Variants in TMEM132B observed in about 807,000 individuals in gnomAD.
The protein encoded by TMEM132B is transmembrane protein 132B.
A neutral mutation model predicts 90.8 loss-of-function variants in TMEM132B; 18 were observed. That is an observed-to-expected ratio of 0.20 (90% confidence interval 0.14 to 0.29). The LOEUF (loss-of-function observed/expected upper bound fraction) is 0.29. Among genes scored for constraint, TMEM132B ranks in the 10% least tolerant of loss-of-function variants. The pLI is 1.00. For missense variants in TMEM132B, 1,096 were observed against 1,326.8 expected, an observed-to-expected ratio of 0.83 and a Z score of 2.70; for synonymous variants, 504 against 523.3, an observed-to-expected ratio of 0.96 and a Z score of 0.50.
chr12:125,511,271 TA>T (rs1882970276), intron 3 of TMEM132B, among the ~76,000 whole-genome samples: 1 of 152,224 alleles, frequency 6.6e-6, no homozygotes, highest in South Asian at 2.1e-4. Flanking sequence ...TGTATAGAAA[TA>T]CCACATTTTG....
At chr12:125,487,120 A>G (rs1257187517) in intron 3 of TMEM132B, among the ~76,000 whole-genome samples, 1 of 152,228 alleles carries the variant, frequency 6.6e-6, no homozygotes, top group Non-Finnish European at 1.5e-5. Context: ...CACATCCTTC[A>G]TGAACCCATT....
chr12:125,440,695 T>C (rs1052169152), intron 3 of TMEM132B, among the ~76,000 whole-genome samples: 4 of 152,238 alleles, frequency 2.6e-5, no homozygotes, highest in African/African-American at 9.6e-5. Context: ...ATCTCCAATA[T>C]GTAGGCAACA....
intron 5 of TMEM132B, chr12:125,585,869 A>G (rs919412447): frequency 2.6e-5 from 4 of 152,220 alleles, no homozygotes; most frequent in African/African-American, 9.7e-5. Flanking sequence ...AAACCTGCAG[A>G]TCGCAAGCTC....
At chr12:125,334,223 T>C (rs1876882028) in intron 1 of TMEM132B, among the ~76,000 whole-genome samples, 1 of 152,228 alleles carries the variant, frequency 6.6e-6, no homozygotes, top group African/African-American at 2.4e-5. Flanking sequence ...TTAACACATA[T>C]GCAGAATCGT....
At chr12:125,586,272 G>A (rs1205904394) in intron 5 of TMEM132B, 2 of 152,192 alleles carry the variant, frequency 1.3e-5, no homozygotes, top group African/African-American at 4.8e-5. Context: ...TTAGAAAGAT[G>A]TAAGTTATGG....
intron 3 of TMEM132B, among the ~76,000 whole-genome samples, chr12:125,416,445 C>T (rs1427330364): frequency 6.6e-6 from 1 of 152,242 alleles, no homozygotes; most frequent in African/African-American, 2.4e-5. Context: ...CACACGAGCC[C>T]CTTCCGAGTT....
intron 3 of TMEM132B, among the ~76,000 whole-genome samples, chr12:125,486,259 A>G (rs892008194): frequency 1.3e-5 from 2 of 152,212 alleles, no homozygotes; most frequent in African/African-American, 4.8e-5. Flanking sequence ...TTATTATGGC[A>G]TATTATCATT....
intron 1 of TMEM132B, among the ~76,000 whole-genome samples, chr12:125,313,720 G>A (rs529101957): frequency 6.2e-4 from 74 of 119,180 alleles, no homozygotes; most frequent in African/African-American, 2.4e-3. Context: ...ATTGGTTTGG[G>A]TTAATTTTCT....
intron 4 of TMEM132B, among the ~76,000 whole-genome samples, chr12:125,576,468 C>G (rs1301471984): frequency 6.7e-6 from 1 of 149,676 alleles, no homozygotes; most frequent in Admixed American, 6.7e-5. Flanking sequence ...TAATCCCCCC[C>G]ACCCCGCCCC....
intron 4 of TMEM132B, among the ~76,000 whole-genome samples, chr12:125,573,879 A>C (rs1377431730): frequency 1.3e-5 from 2 of 152,212 alleles, no homozygotes; most frequent in African/African-American, 4.8e-5. Flanking sequence ...TGCCATCCTT[A>C]TGAATTCTTT....
chr12:125,568,547 A>C (rs1884716770), intron 4 of TMEM132B, among the ~76,000 whole-genome samples: 1 of 152,158 alleles, frequency 6.6e-6, no homozygotes, highest in African/African-American at 2.4e-5. Context: ...GTGCTAACAG[A>C]TCATCACAGC....
intron 1 of TMEM132B, among the ~76,000 whole-genome samples, chr12:125,341,088 T>A (rs2136220667): frequency 6.6e-6 from 1 of 152,364 alleles, no homozygotes; most frequent in East Asian, 1.9e-4. Context: ...TTCCCTTTAG[T>A]CACTGATTAC....
chr12:125,543,046 T>C (rs1883996059), intron 4 of TMEM132B, among the ~76,000 whole-genome samples: 1 of 152,210 alleles, frequency 6.6e-6, no homozygotes, highest in African/African-American at 2.4e-5. Context: ...CTTATTTCAG[T>C]TGCATGTAAC....
At chr12:125,331,615 G>A (rs75957879) in intron 1 of TMEM132B, among the ~76,000 whole-genome samples, 2,092 of 152,282 alleles carry the variant, frequency 0.014, 51 homozygotes, top group African/African-American at 0.048. Flanking sequence ...GCCAGGACCC[G>A]GCAGAGCAGG....
At chr12:125,348,173 A>G (rs924207668) in intron 1 of TMEM132B, among the ~76,000 whole-genome samples, 22 of 152,016 alleles carry the variant, frequency 1.4e-4, no homozygotes, top group African/African-American at 5.3e-4. Context: ...ATGTTTATGT[A>G]GCTCTACCGC....
chr12:125,301,226 T>C (rs1875815668), intron 1 of TMEM132B: 1 of 152,208 alleles, frequency 6.6e-6, no homozygotes, highest in East Asian at 1.9e-4. Flanking sequence ...CTGATCTGTA[T>C]TTTTCATTTT....
rs1001445224 is a variant in TMEM132B, at chr12:125,658,579, G to T, written c.*3869G>T. On this transcript the variant is annotated 3_prime_UTR_variant, in exon 9 of 9. Coordinates refer to ENST00000682704, the MANE Select transcript of TMEM132B (RefSeq NM_001366854.1). ...CTCACCTTTTATTAAAATTATATAT[G>T]TGTGATGTAATGCATATCACCTGTC... 1.3e-5 allele frequency: 2 copies of T among 152,332 alleles called. No homozygotes were observed. The highest frequency in any genetic ancestry group is 6.5e-5 in the Admixed American group (1 of 15,296). 9.4% of individuals were successfully genotyped at this position (152,332 alleles called of 1,614,324 possible). A position where few individuals can be genotyped will look rare whatever the true frequency, so the allele number is the denominator to read the frequency against.
intron 1 of TMEM132B, among the ~76,000 whole-genome samples, chr12:125,285,915 G>A (rs1196186345): frequency 6.6e-6 from 1 of 152,226 alleles, no homozygotes; most frequent in African/African-American, 2.4e-5. Context: ...TTGACAGGGA[G>A]TTTTAAGGTG....
intron 3 of TMEM132B, among the ~76,000 whole-genome samples, chr12:125,461,687 G>A (rs1485278572): frequency 6.6e-6 from 1 of 152,194 alleles, no homozygotes; most frequent in African/African-American, 2.4e-5. Flanking sequence ...GGTTGTAAGC[G>A]GCTCTTTCTC....
Sources: gnomAD v4.1 joint callset for allele counts (sites outside exome capture counted in the v4.1 genomes callset) on GRCh38, gnomAD v4.1.1 for gene constraint, MANE v1.5 for transcripts, NCBI Gene and HGNC (gene_info 2026-07-23, HGNC 2026-07-21) for gene names.